The following PPP3CA variants were observed in gnomAD, a reference collection of about 807,000 sequenced individuals.
PPP3CA encodes the protein CAM-PRP catalytic subunit.
PPP3CA carries 14 observed loss-of-function variants against 66.5 expected under a neutral mutation model. The ratio of observed to expected loss-of-function variants is 0.21; its 90% CI spans 0.14 to 0.33. The LOEUF (loss-of-function observed/expected upper bound fraction) is 0.33. PPP3CA is among the 10% of genes least tolerant of loss of function. PPP3CA has a pLI of 1.00. For synonymous variants in PPP3CA, 232 were observed against 226.2 expected (o/e 1.03, Z -0.23); for missense variants, 317 against 639.5 (o/e 0.50, Z 5.44).
At chr4:101,319,897 G>A (rs757279851) in intron 1 of PPP3CA, among the ~76,000 whole-genome samples, 8 of 152,038 alleles carry the variant, frequency 5.3e-5, no homozygotes, top group Non-Finnish European at 8.8e-5. Context: ...AGCAGACTAC[G>A]TCATGTACAT....
chr4:101,330,738 A>T (rs1245331037), intron 1 of PPP3CA, among the ~76,000 whole-genome samples: 9 of 152,190 alleles, frequency 5.9e-5, no homozygotes, highest in African/African-American at 2.2e-4. Flanking sequence ...TAAAAAGGCA[A>T]CGTCTACAAA....
intron 10 of PPP3CA, among the ~76,000 whole-genome samples, chr4:101,043,961 T>C (rs571692793): frequency 6.6e-6 from 1 of 152,290 alleles, no homozygotes; most frequent in South Asian, 2.1e-4. Flanking sequence ...AAAAGTAAAA[T>C]AACCTGACCA....
chr4:101,301,910 ATAT>A (rs550749195), intron 1 of PPP3CA, among the ~76,000 whole-genome samples: 2 of 151,340 alleles, frequency 1.3e-5, no homozygotes, highest in Non-Finnish European at 2.9e-5. Context: ...AAATAAGTAA[ATAT>A]TATTTATATT....
chr4:101,328,583 C>A (rs1459367015), intron 1 of PPP3CA, among the ~76,000 whole-genome samples: 3 of 152,160 alleles, frequency 2.0e-5, no homozygotes, highest in East Asian at 1.9e-4. Flanking sequence ...TACAGGCATA[C>A]CTCACTTATT....
chr4:101,124,727 GAAAGAA>G lies in PPP3CA; in HGVS notation c.260-15655_260-15650del, dbSNP rs1474296861. On this transcript the variant is annotated intron_variant, in intron 2 of 13. Transcript: ENST00000394854. ...AAAGAAAGAAAGAAAGAAAGAAAGA[GAAAGAA>G]AGAAAGAAAGAAAGAAAGAAAGAAA... Among the ~76,000 whole-genome samples the G allele has an allele frequency of 5.2e-4, 26 of 49,930 alleles. 1 individual carries two copies. The South Asian group carries it at 5.9e-3, about 11-fold the overall frequency. 32.8% of individuals were successfully genotyped at this position (49,930 alleles called of 152,430 possible).
At chr4:101,341,295 GCCACCACA>G (rs1484000433) in intron 1 of PPP3CA, among the ~76,000 whole-genome samples, 1 of 150,738 alleles carries the variant, frequency 6.6e-6, no homozygotes, top group Non-Finnish European at 1.5e-5. Context: ...ATAGGTGTGA[GCCACCACA>G]CCTGGCCAGT....
chr4:101,272,822 C>G (rs1156595450), intron 1 of PPP3CA, among the ~76,000 whole-genome samples: 1 of 152,178 alleles, frequency 6.6e-6, no homozygotes, highest in African/African-American at 2.4e-5. Flanking sequence ...TACACATGCA[C>G]TTTATTTATG....
intron 4 of PPP3CA, among the ~76,000 whole-genome samples, chr4:101,098,805 C>A (rs1428830137): frequency 6.6e-6 from 1 of 151,582 alleles, no homozygotes; most frequent in African/African-American, 2.4e-5. Flanking sequence ...GACGTCTCAC[C>A]AAAAAAATGT....
At chr4:101,216,824 T>G (rs1578562845) in intron 1 of PPP3CA, among the ~76,000 whole-genome samples, 1 of 152,294 alleles carries the variant, frequency 6.6e-6, no homozygotes, top group Admixed American at 6.5e-5. Context: ...ATACTCAGAT[T>G]ACAGGCGTGA....
intron 3 of PPP3CA, among the ~76,000 whole-genome samples, chr4:101,103,329 C>T (rs756884492): frequency 5.3e-5 from 8 of 152,162 alleles, no homozygotes; most frequent in Non-Finnish European, 8.8e-5. Context: ...TCTCGATCAT[C>T]AAACTAAGTA....
intron 2 of PPP3CA, among the ~76,000 whole-genome samples, chr4:101,151,652 C>CTT (rs369745312): frequency 0.67 from 56,419 of 84,532 alleles, 20,471 homozygotes; most frequent in Non-Finnish European, 0.76. Context: ...CCAAGGTTTC[C>CTT]TTTTTTTTTT....
At chr4:101,122,651 A>C (rs1451585787) in intron 2 of PPP3CA, among the ~76,000 whole-genome samples, 1 of 152,200 alleles carries the variant, frequency 6.6e-6, no homozygotes, top group East Asian at 1.9e-4. Context: ...GTGCAAATGA[A>C]TCAAAATAAG....
chr4:101,281,165 A>G (rs916991762), intron 1 of PPP3CA, among the ~76,000 whole-genome samples: 9 of 152,336 alleles, frequency 5.9e-5, no homozygotes, highest in Non-Finnish European at 1.3e-4. Context: ...TTGACAAAAG[A>G]AGGCTCTGAA....
At chr4:101,308,777 C>G (rs972620246) in intron 1 of PPP3CA, among the ~76,000 whole-genome samples, 5 of 152,086 alleles carry the variant, frequency 3.3e-5, no homozygotes, top group South Asian at 4.1e-4. Flanking sequence ...TTTGTAGTCA[C>G]AAAAAATTTC....
intron 1 of PPP3CA, among the ~76,000 whole-genome samples, chr4:101,340,419 T>C (rs1174283164): frequency 1.3e-5 from 2 of 152,192 alleles, no homozygotes; most frequent in Non-Finnish European, 2.9e-5. Context: ...TGAGGGCTTT[T>C]ATTTTTTTAA....
chr4:101,341,835 C>T (rs1232388353), intron 1 of PPP3CA, among the ~76,000 whole-genome samples: 1 of 152,118 alleles, frequency 6.6e-6, no homozygotes, highest in Non-Finnish European at 1.5e-5. Flanking sequence ...TATCAAAATT[C>T]TATATCATGA....
chr4:101,256,860 G>A (rs181005511), intron 1 of PPP3CA, among the ~76,000 whole-genome samples: 1 of 152,102 alleles, frequency 6.6e-6, no homozygotes, highest in Admixed American at 6.6e-5. Flanking sequence ...ATGAAGTAAA[G>A]CACTGAACTA....
At chr4:101,324,982 A>G (rs1034693390) in intron 1 of PPP3CA, among the ~76,000 whole-genome samples, 6 of 152,240 alleles carry the variant, frequency 3.9e-5, no homozygotes, top group Non-Finnish European at 7.3e-5. Context: ...TGCATGTTAA[A>G]GCATGGCCAA....
intron 1 of PPP3CA, among the ~76,000 whole-genome samples, chr4:101,204,644 A>G (rs1453572495): frequency 3.7e-5 from 2 of 53,452 alleles, no homozygotes; most frequent in Non-Finnish European, 8.9e-5. Flanking sequence ...TCAAAAAAAA[A>G]AAAAAAAAAA....
Sources: gnomAD v4.1 joint callset for allele counts (sites outside exome capture counted in the v4.1 genomes callset) on GRCh38, gnomAD v4.1.1 for gene constraint, MANE v1.5 for transcripts, NCBI Gene and HGNC (gene_info 2026-07-23, HGNC 2026-07-21) for gene names.